Variants in OPCML observed in about 807,000 individuals in gnomAD.
OPCML encodes opioid binding protein/cell adhesion molecule like, also known as opioid-binding protein/cell adhesion molecule.
A neutral mutation model predicts 37.8 loss-of-function variants in OPCML; 13 were observed. The observed-to-expected ratio is 0.34, with a 90% CI of 0.22 to 0.55. The LOEUF (loss-of-function observed/expected upper bound fraction) is 0.55. OPCML is among the 20% of genes least tolerant of loss of function. The pLI, the probability that OPCML is intolerant of heterozygous loss-of-function variation, is 0.91. For missense variants in OPCML, 341 were observed against 435.6 expected (o/e 0.78, Z 1.93); for synonymous variants, 176 against 168.8 (o/e 1.04, Z -0.33).
chr11:133,425,404 A>G (rs1434974796), intron 1 of OPCML, among the ~76,000 whole-genome samples: 1 of 152,186 alleles, frequency 6.6e-6, no homozygotes, highest in East Asian at 1.9e-4. Context: ...CCCTTCCGCA[A>G]TTGTGAAACA....
At chr11:133,370,189 T>G (rs1022059067) in intron 1 of OPCML, among the ~76,000 whole-genome samples, 1 of 152,152 alleles carries the variant, frequency 6.6e-6, no homozygotes, top group Non-Finnish European at 1.5e-5. Context: ...TAAGGAGCAT[T>G]AAAGTTATTG....
At chr11:132,430,445 T>A (rs546636026) in intron 7 of OPCML, among the ~76,000 whole-genome samples, 2 of 152,202 alleles carry the variant, frequency 1.3e-5, no homozygotes, top group African/African-American at 4.8e-5. Flanking sequence ...AGAGCCAGTC[T>A]GATATGTATA....
chr11:133,255,483 C>G (rs1941281695), intron 1 of OPCML, among the ~76,000 whole-genome samples: 1 of 152,020 alleles, frequency 6.6e-6, no homozygotes, highest in Non-Finnish European at 1.5e-5. Flanking sequence ...TCTGACTATA[C>G]CATCAAAAAC....
chr11:132,963,949 C>T, intron 1 of OPCML, among the ~76,000 whole-genome samples: 1 of 152,128 alleles, frequency 6.6e-6, no homozygotes, highest in Non-Finnish European at 1.5e-5. Context: ...CTCACTTCCT[C>T]ATTCGATATC....
intron 1 of OPCML, among the ~76,000 whole-genome samples, chr11:133,141,229 G>A (rs140721369): frequency 2.0e-5 from 3 of 151,842 alleles, no homozygotes; most frequent in East Asian, 1.9e-4. Context: ...ATTCCAAGCC[G>A]GGCTCTCGCA....
intron 7 of OPCML, among the ~76,000 whole-genome samples, chr11:132,429,657 T>C (rs1013077478): frequency 2.0e-5 from 3 of 152,096 alleles, no homozygotes; most frequent in African/African-American, 7.2e-5. Flanking sequence ...ATTCAGGAAT[T>C]ATCAGGCTGT....
At chr11:132,745,960 G>T (rs917436339) in intron 2 of OPCML, among the ~76,000 whole-genome samples, 1 of 152,182 alleles carries the variant, frequency 6.6e-6, no homozygotes, top group South Asian at 2.1e-4. Flanking sequence ...CTCCAAGGGA[G>T]CCACTCCTGA....
At chr11:132,632,134 TA>T (rs138183892) in intron 3 of OPCML, among the ~76,000 whole-genome samples, 238 of 140,038 alleles carry the variant, frequency 1.7e-3, no homozygotes, top group Admixed American at 2.2e-3. Flanking sequence ...AGATCCAGCT[TA>T]AAAAAAAAAA....
intron 2 of OPCML, among the ~76,000 whole-genome samples, chr11:132,816,356 C>A (rs1005359782): frequency 6.6e-6 from 1 of 152,136 alleles, no homozygotes; most frequent in Admixed American, 6.5e-5. Flanking sequence ...TTAAAAATAT[C>A]TCCGAGGCAT....
At chr11:132,828,546 CT>C (rs1168649490) in intron 2 of OPCML, among the ~76,000 whole-genome samples, 1 of 145,944 alleles carries the variant, frequency 6.9e-6, no homozygotes, top group Non-Finnish European at 1.5e-5. Flanking sequence ...TAAAACAGCT[CT>C]TTTAAAAAAA....
chr11:132,879,364 C>T (rs1943140308), intron 2 of OPCML, among the ~76,000 whole-genome samples: 1 of 152,100 alleles, frequency 6.6e-6, no homozygotes, highest in South Asian at 2.1e-4. Context: ...CCACACTGAC[C>T]TACCTCACAG....
At chr11:133,447,571 T>C (rs1591510862) in intron 1 of OPCML, among the ~76,000 whole-genome samples, 1 of 152,282 alleles carries the variant, frequency 6.6e-6, no homozygotes, top group South Asian at 2.1e-4. Flanking sequence ...CATTTTTATG[T>C]CCATGAGTAC....
chr11:132,456,335 G>T (rs1317621735), intron 4 of OPCML, among the ~76,000 whole-genome samples: 1 of 152,184 alleles, frequency 6.6e-6, no homozygotes, highest in African/African-American at 2.4e-5. Flanking sequence ...GAATTAAATA[G>T]CTCATAATTC....
intron 1 of OPCML, among the ~76,000 whole-genome samples, chr11:133,055,013 A>G (rs868391881): frequency 3.3e-3 from 274 of 82,658 alleles, no homozygotes; most frequent in African/African-American, 9.0e-3. Context: ...ACTTCCAAGT[A>G]GTGAGACTCC....
chr11:132,791,564 T>C (rs1937909182), intron 2 of OPCML, among the ~76,000 whole-genome samples: 1 of 152,168 alleles, frequency 6.6e-6, no homozygotes, highest in Non-Finnish European at 1.5e-5. Flanking sequence ...TTTCAGCAGC[T>C]TATAGAGGCT....
rs73588945 is a variant in OPCML at position 132,554,315 on chromosome 11, C to G, written c.380-25129G>C. 3.7e-3 allele frequency among the ~76,000 whole-genome samples: 567 copies of G among 152,350 alleles called. 2 individuals are homozygous for G. The highest frequency in any genetic ancestry group is 0.012 in the African/African-American group (517 of 41,578). On this transcript the variant is annotated intron_variant, in intron 3 of 7. Coordinates refer to ENST00000524381, the MANE Select transcript of OPCML (RefSeq NM_001012393.5). ...CTACAAAATCTTTAGTTGGCTCCCA[C>G]ATCGCCCTAAAGGCCTCAGCCCCTG...
At chr11:133,233,738 G>A (rs559718693) in intron 1 of OPCML, among the ~76,000 whole-genome samples, 18 of 152,074 alleles carry the variant, frequency 1.2e-4, no homozygotes, top group South Asian at 8.3e-4. Flanking sequence ...GCCCCTGCCC[G>A]TAAAAATGTC....
intron 2 of OPCML, among the ~76,000 whole-genome samples, chr11:132,658,487 C>T (rs1337669152): frequency 6.6e-6 from 1 of 152,152 alleles, no homozygotes; most frequent in Non-Finnish European, 1.5e-5. Context: ...CTGCATGGCT[C>T]AGGGTCTCCA....
intron 2 of OPCML, among the ~76,000 whole-genome samples, chr11:132,887,212 T>A (rs1411715601): frequency 6.6e-6 from 1 of 152,224 alleles, no homozygotes; most frequent in Non-Finnish European, 1.5e-5. Context: ...TACAGCTGCC[T>A]CCAGCACTCA....
Sources: allele counts gnomAD v4.1 joint callset (sites outside exome capture counted in the v4.1 genomes callset), GRCh38; gene constraint gnomAD v4.1.1; transcripts MANE v1.5; gene names NCBI Gene and HGNC (gene_info 2026-07-23, HGNC 2026-07-21).